Variants in VAV2 observed in about 807,000 individuals in gnomAD.
VAV2 encodes vav guanine nucleotide exchange factor 2, also known as guanine nucleotide exchange factor VAV2.
VAV2 carries 67 observed loss-of-function variants against 132.5 expected under a neutral mutation model. That is an observed-to-expected ratio of 0.51 (90% CI 0.42 to 0.62). The LOEUF is 0.62. VAV2 is among the 20% of genes least tolerant of loss of function. The probability of loss-of-function intolerance (pLI) is 0.00; values close to 1 mark genes in which losing one functional copy is unlikely to be tolerated. For synonymous variants in VAV2, 492 were observed against 443.5 expected, an observed-to-expected ratio of 1.11 and a Z score of -1.37; for missense variants, 938 against 1,153.6, an observed-to-expected ratio of 0.81 and a Z score of 2.71.
At chr9:133,841,990 G>T (rs933152721) in intron 3 of VAV2, among the ~76,000 whole-genome samples, 5 of 152,164 alleles carry the variant, frequency 3.3e-5, no homozygotes, top group Admixed American at 2.6e-4. Flanking sequence ...ACCCGGCCCT[G>T]CCATGGCTCA....
chr9:133,843,591 C>T (rs1836811060), intron 3 of VAV2, among the ~76,000 whole-genome samples: 1 of 152,174 alleles, frequency 6.6e-6, no homozygotes, highest in African/African-American at 2.4e-5. Context: ...GCCCTACACC[C>T]CCTGGCCTCA....
At position 133,946,990 on chromosome 9, in the gene VAV2, T is replaced by C. The variant is rs148859905; in HGVS notation, c.205-7771A>G. ...GCTCAGTATCTGGTAGACGAACAAA[T>C]GAACCAATGAATTAATGAATGAACA... On this transcript the variant is annotated intron_variant, in intron 1 of 29. Coordinates refer to ENST00000371850, the MANE Select transcript of VAV2 (RefSeq NM_001134398.2). Among the ~76,000 whole-genome samples, 161 of 152,128 alleles carry C rather than the reference T, an allele frequency of 1.1e-3. No individual in the cohort carries two copies. In the East Asian group the frequency reaches 0.023, roughly 22 times the overall value.
intron 4 of VAV2, among the ~76,000 whole-genome samples, chr9:133,817,125 T>C (rs778262363): frequency 1.3e-5 from 2 of 152,252 alleles, no homozygotes; most frequent in Non-Finnish European, 2.9e-5. Flanking sequence ...ACATAGTATA[T>C]ACTTTATTTA....
At chr9:133,957,618 G>A (rs1841826824) in intron 1 of VAV2, among the ~76,000 whole-genome samples, 1 of 152,072 alleles carries the variant, frequency 6.6e-6, no homozygotes, top group African/African-American at 2.4e-5. Flanking sequence ...CATCCCCGTG[G>A]GCAGAGCAGG....
At chr9:133,830,292 T>G (rs934940426) in intron 4 of VAV2, among the ~76,000 whole-genome samples, 3 of 152,138 alleles carry the variant, frequency 2.0e-5, no homozygotes, top group Admixed American at 6.6e-5. Flanking sequence ...TTCTCCTCAC[T>G]CCTGTGCCTG....
At chr9:133,812,659 G>A (rs1013802484) in intron 4 of VAV2, among the ~76,000 whole-genome samples, 9 of 152,214 alleles carry the variant, frequency 5.9e-5, no homozygotes, top group South Asian at 2.1e-4. Flanking sequence ...GAGTGCTTCC[G>A]GCTCAGCCCT....
chr9:133,905,187 G>A (rs1046712190), intron 2 of VAV2, among the ~76,000 whole-genome samples: 20 of 152,170 alleles, frequency 1.3e-4, no homozygotes, highest in Admixed American at 6.5e-4. Context: ...CCAGCACTTC[G>A]GAAGGCCAAG....
intron 1 of VAV2, among the ~76,000 whole-genome samples, chr9:133,946,910 C>T (rs191865592): frequency 4.7e-4 from 71 of 152,278 alleles, no homozygotes; most frequent in Non-Finnish European, 8.2e-4. Flanking sequence ...GAGCTGACGC[C>T]GTTTGCTCCC....
chr9:133,886,040 T>TG (rs1438247932), intron 2 of VAV2, among the ~76,000 whole-genome samples: 3 of 152,010 alleles, frequency 2.0e-5, no homozygotes, highest in African/African-American at 7.3e-5. Context: ...TACTGACAGC[T>TG]GGGGGGCGGG....
rs772510100 is a variant in VAV2, at chr9:133,834,249, C to T, written c.449+23G>A. On this transcript the variant is annotated intron_variant, in intron 4 of 29. Transcript: ENST00000371850. This position sits in a 1 kb window ranked among gnomAD's most constrained non-coding sequence, Gnocchi z 5.9. ...CCCTGCCCCTCCCTCCTCTCCATCC[C>T]TCCTCCCATCCCCCCGCCTTACTCG... is the stretch of plus-strand genomic sequence containing the variant. 3 of 1,599,986 alleles carry T rather than the reference C, an allele frequency of 1.9e-6. No individual in the cohort carries two copies. The East Asian group carries it at 6.8e-5, about 36-fold the overall frequency.
In VAV2 at chr9:133,788,631, C is replaced by T. The variant is rs949961214; in HGVS notation, c.1275-145G>A. ...CCTCACCTGGCTCACCAGGCTAATG[C>T]TGAGCCTCGGTCAGGTCTCGGCTGT... is the stretch of plus-strand genomic sequence containing the variant. On this transcript the variant is annotated intron_variant, in intron 14 of 29. Transcript: ENST00000371850. This position sits in a 1 kb window ranked among gnomAD's most constrained non-coding sequence, Gnocchi z 5.3. 2 of 1,203,428 alleles carry T rather than the reference C, an allele frequency of 1.7e-6. No individual in the cohort carries two copies. The highest frequency in any genetic ancestry group is 2.3e-6 in the Non-Finnish European group (2 of 877,814). The allele number at this position is 1,203,428 out of a possible 1,614,324, so 74.5% of individuals were successfully genotyped here. A position where few individuals can be genotyped will look rare whatever the true frequency, so the allele number is the denominator to read the frequency against.
rs535751632 is a variant in VAV2 at position 133,857,057 on chromosome 9, A to G, written c.380+4317T>C. Among the ~76,000 whole-genome samples, 1 of 152,150 alleles carries G rather than the reference A, an allele frequency of 6.6e-6. No individual in the cohort carries two copies. Among genetic ancestry groups the G allele is most frequent in the African/African-American group, 2.4e-5 (1 of 41,426 alleles). On this transcript the variant is annotated intron_variant, in intron 3 of 29. Coordinates refer to ENST00000371850, the MANE Select transcript of VAV2 (RefSeq NM_001134398.2). This position sits in a 1 kb window ranked among gnomAD's most constrained non-coding sequence, Gnocchi z 4.0. ...AAAGGTTCCAAGAGCATCCCTGCCC[A>G]AGGTCATTTGGCTGACAGAAGCTTC... is the stretch of plus-strand genomic sequence containing the variant.
chr9:133,957,302 C>A (rs904985627), intron 1 of VAV2, among the ~76,000 whole-genome samples: 4 of 152,118 alleles, frequency 2.6e-5, no homozygotes, highest in Admixed American at 2.6e-4. Flanking sequence ...TAGAAATAAC[C>A]CTGCCTGGAT....
chr9:133,889,763 A>AC (rs71930231), intron 2 of VAV2, among the ~76,000 whole-genome samples: 99,166 of 151,686 alleles, frequency 0.65, 34,206 homozygotes, highest in Middle Eastern at 0.87. Context: ...CACACACACA[A>AC]AAAATTTTTT....
At chr9:133,818,353 A>T (rs528508108) in intron 4 of VAV2, among the ~76,000 whole-genome samples, 1 of 146,452 alleles carries the variant, frequency 6.8e-6, no homozygotes. Flanking sequence ...GTGACAAAGC[A>T]AGACTCCATC....
chr9:133,773,715 C>G (rs534638472), intron 25 of VAV2, among the ~76,000 whole-genome samples: 2 of 152,070 alleles, frequency 1.3e-5, no homozygotes, highest in Non-Finnish European at 2.9e-5. Flanking sequence ...TCCTGAAGGA[C>G]GTGCCTGAGG....
At chr9:133,953,636 T>C (rs681508) in intron 1 of VAV2, among the ~76,000 whole-genome samples, 43,468 of 152,032 alleles carry the variant, frequency 0.29, 6,461 homozygotes, top group East Asian at 0.41. Flanking sequence ...TCAGACCCAG[T>C]TCCCTCTGAC....
chr9:133,931,808 G>A (rs576755615), intron 2 of VAV2, among the ~76,000 whole-genome samples: 1 of 152,196 alleles, frequency 6.6e-6, no homozygotes, highest in Non-Finnish European at 1.5e-5. Flanking sequence ...GGAGCTGGAC[G>A]GATCCCAATG....
chr9:133,841,720 TC>T (rs1171429128), intron 3 of VAV2, among the ~76,000 whole-genome samples: 1 of 152,106 alleles, frequency 6.6e-6, no homozygotes, highest in Non-Finnish European at 1.5e-5. Flanking sequence ...AGGTAATGGG[TC>T]TGGGTTCAAG....
Sources: allele counts gnomAD v4.1 joint callset (sites outside exome capture counted in the v4.1 genomes callset), GRCh38; gene constraint gnomAD v4.1.1; non-coding constraint Gnocchi (gnomAD v3.1); transcripts MANE v1.5; gene names NCBI Gene and HGNC (gene_info 2026-07-23, HGNC 2026-07-21).